PLSCR1: variants seen among roughly 807,000 people sequenced by gnomAD.
PLSCR1 encodes the protein phospholipid scramblase 1.
Under a neutral mutation model 37.8 loss-of-function variants are expected in PLSCR1, and 17 were observed. The observed-to-expected ratio is 0.45, with a 90% confidence interval of 0.31 to 0.68. The LOEUF is 0.68. Among genes scored for constraint, PLSCR1 ranks in the 30% least tolerant of loss-of-function variants. The probability of loss-of-function intolerance (pLI) is 0.06; values close to 1 mark genes in which losing one functional copy is unlikely to be tolerated. For synonymous variants in PLSCR1, 116 were observed against 125.9 expected, an observed-to-expected ratio of 0.92 and a Z score of 0.53; for missense variants, 347 against 380.9, an observed-to-expected ratio of 0.91 and a Z score of 0.74.
chr3:146,525,771 G>T, intron 4 of PLSCR1, 124 bp from the exon 5 acceptor site: 1 of 482,486 alleles, frequency 2.1e-6, no homozygotes, highest in South Asian at 3.9e-5. Flanking sequence ...ATATTTAACA[G>T]CTTATATTAC....
chr3:146,518,671 T>C (rs991624537), intron 7 of PLSCR1, among the ~76,000 whole-genome samples: 1 of 152,158 alleles, frequency 6.6e-6, no homozygotes, highest in African/African-American at 2.4e-5. Context: ...ATATTAACAT[T>C]TGCCCTTTTT....
chr3:146,529,568 G>T (rs186714090), intron 3 of PLSCR1, among the ~76,000 whole-genome samples: 4 of 150,366 alleles, frequency 2.7e-5, no homozygotes, highest in Admixed American at 6.6e-5. Flanking sequence ...GCTGGAGTGC[G>T]GTGGCATCAT....
intron 2 of PLSCR1, among the ~76,000 whole-genome samples, chr3:146,535,264 C>CAT (rs1339396097): frequency 2.6e-5 from 4 of 151,988 alleles, no homozygotes; most frequent in African/African-American, 9.7e-5. Flanking sequence ...CACACACACA[C>CAT]ATATACAGGA....
intron 1 of PLSCR1, 114 bp from the exon 2 acceptor site, chr3:146,536,679 T>A: frequency 1.5e-6 from 1 of 667,172 alleles, no homozygotes; most frequent in Non-Finnish European, 2.8e-6. Context: ...TATTCCTCTT[T>A]ATTCATCCAG....
chr3:146,536,635 G>T (rs970707187), intron 1 of PLSCR1, 70 bp from the exon 2 acceptor site: 2 of 891,906 alleles, frequency 2.2e-6, no homozygotes, highest in Non-Finnish European at 3.7e-6. Context: ...GTTGAATCGG[G>T]ATACTCTAAA....
At chr3:146,525,937 A>G (rs1314369547) in intron 4 of PLSCR1, among the ~76,000 whole-genome samples, 1 of 152,010 alleles carries the variant, frequency 6.6e-6, no homozygotes, top group African/African-American at 2.4e-5. Flanking sequence ...TAATCCCAGC[A>G]CTTTGGGAGG....
In PLSCR1 at chr3:146,516,998, A is replaced by T. The variant is rs1328308314; in HGVS notation, c.900+8T>A. The T allele has an allele frequency of 2.6e-6, 4 of 1,546,470 alleles. No homozygotes were observed. The highest frequency in any genetic ancestry group is 2.0e-5 in the Admixed American group (1 of 51,262). The stretch of plus-strand genomic sequence containing the variant: ...ATCTATAATCAAGATTAATAAGAAC[A>T]GACTTACAATGAGGAAACAGGCACC... On this transcript the variant is annotated splice_region_variant and intron_variant, in intron 8 of 8. Transcript: ENST00000342435.
At chr3:146,523,438 T>G (rs2108631353) in intron 5 of PLSCR1, among the ~76,000 whole-genome samples, 1 of 152,332 alleles carries the variant, frequency 6.6e-6, no homozygotes, top group East Asian at 1.9e-4. Context: ...CTATGAAATT[T>G]TATATTAAAT....
chr3:146,515,489 ATAT>A lies in PLSCR1; in HGVS notation c.*553_*555del, dbSNP rs1221702761. On this transcript the variant is annotated 3_prime_UTR_variant, in exon 9 of 9. Transcript: ENST00000342435. ...AATTTAATATCTTGTGAATATGAAA[ATAT>A]TATGGTATAGATTAGCTTCTAGGAG... 6 of 152,122 alleles carry A rather than the reference ATAT, an allele frequency of 3.9e-5. No individual in the cohort carries two copies. The highest frequency in any genetic ancestry group is 3.9e-4 in the Admixed American group (6 of 15,274). 9.4% of individuals were successfully genotyped at this position (152,122 alleles called of 1,614,324 possible). A position where few individuals can be genotyped will look rare whatever the true frequency, so the allele number is the denominator to read the frequency against.
rs140396864 is a variant in PLSCR1 at position 146,533,512 on chromosome 3, G to T, written c.52C>A (p.Pro18Thr). ...GGATACTGAGGAGGATACCCAACTG[G>T]CAAGTTTGTTTCCGGGTGAGAAGCA... ...MNASHPETNL[P>T]VGYPPQYPPT... is the part of the protein sequence containing the mutation. The change falls in exon 3 of 9, where the codon CCA becomes ACA. Residue 18 changes from proline to threonine, a missense_variant. Pro to Thr is a conservative substitution (Grantham distance 38, BLOSUM62 -1). Transcript: ENST00000342435. 321 of 1,607,552 alleles carry T rather than the reference G, an allele frequency of 2.0e-4. No individual in the cohort carries two copies. The highest frequency in any genetic ancestry group is 2.7e-4 in the Non-Finnish European group (314 of 1,175,418).
chr3:146,538,452 G>A (rs1236080587), intron 1 of PLSCR1, among the ~76,000 whole-genome samples: 1 of 152,046 alleles, frequency 6.6e-6, no homozygotes, highest in African/African-American at 2.4e-5. Flanking sequence ...TTAGAAGTAG[G>A]TAGTATCCTT....
chr3:146,522,142 T>C (rs1412608836), intron 5 of PLSCR1, 89 bp from the exon 6 acceptor site: 1 of 780,272 alleles, frequency 1.3e-6, no homozygotes, highest in Non-Finnish European at 2.2e-6. Context: ...TATGCCAGTT[T>C]TTGATGATAC....
intron 3 of PLSCR1, among the ~76,000 whole-genome samples, chr3:146,531,465 C>A (rs1394330139): frequency 1.3e-5 from 2 of 152,164 alleles, no homozygotes; most frequent in Non-Finnish European, 2.9e-5. Flanking sequence ...AGACCATAGG[C>A]AGACCAGTGG....
intron 2 of PLSCR1, among the ~76,000 whole-genome samples, 176 bp from the exon 3 acceptor site, chr3:146,533,726 T>C (rs1402833576): frequency 1.3e-5 from 2 of 152,250 alleles, no homozygotes; most frequent in African/African-American, 4.8e-5. Flanking sequence ...AATTTGCAAC[T>C]AGCAAATTTG....
intron 7 of PLSCR1, among the ~76,000 whole-genome samples, chr3:146,519,489 G>A (rs920970659): frequency 1.8e-4 from 27 of 152,036 alleles, no homozygotes; most frequent in Admixed American, 1.8e-3. Flanking sequence ...AGTCCTTGAA[G>A]GAGACAGACT....
At chr3:146,530,301 AT>A (rs1560086764) in intron 3 of PLSCR1, among the ~76,000 whole-genome samples, 1 of 152,232 alleles carries the variant, frequency 6.6e-6, no homozygotes, top group Non-Finnish European at 1.5e-5. Flanking sequence ...GAAAAACAGA[AT>A]AAACCTCACA....
chr3:146,521,759 A>T (rs924064147), intron 6 of PLSCR1, 54 bp from the exon 7 acceptor site: 2 of 1,581,094 alleles, frequency 1.3e-6, no homozygotes, highest in African/African-American at 2.7e-5. Context: ...CCTAGGTTCG[A>T]TGAAAGGTTC....
intron 5 of PLSCR1, among the ~76,000 whole-genome samples, chr3:146,523,425 G>A (rs1245177373): frequency 6.6e-6 from 1 of 152,172 alleles, no homozygotes; most frequent in Admixed American, 6.5e-5. Context: ...TGCTGTTTAT[G>A]TGCTATGAAA....
At chr3:146,521,748 G>A in intron 6 of PLSCR1, 43 bp from the exon 7 acceptor site, 5 of 1,580,024 alleles carry the variant, frequency 3.2e-6, no homozygotes, top group Non-Finnish European at 4.3e-6. Flanking sequence ...TAATCATAAT[G>A]CCTAGGTTCG....
Sources: allele counts gnomAD v4.1 joint callset (sites outside exome capture counted in the v4.1 genomes callset), GRCh38; gene constraint gnomAD v4.1.1; transcripts MANE v1.5; gene names NCBI Gene and HGNC (gene_info 2026-07-23, HGNC 2026-07-21).